The following C5orf52 variants were observed in gnomAD, a reference collection of about 807,000 sequenced individuals.
C5orf52 encodes the protein uncharacterized protein C5orf52.
In C5orf52, 15 loss-of-function variants were observed where a neutral mutation model predicts 16.8. The observed-to-expected ratio is 0.89, with a 90% CI of 0.60 to 1.38. C5orf52 has a LOEUF of 1.38. Ranked by LOEUF, C5orf52 falls within the 40% of genes most tolerant of loss-of-function variation. C5orf52 has a pLI of 0.00. For synonymous variants in C5orf52, 83 were observed against 87.2 expected (o/e 0.95, Z 0.27); for missense variants, 206 against 213.1 (o/e 0.97, Z 0.21).
chr5:157,671,181 G>C (rs915800753), upstream of C5orf52: 1 of 163,766 alleles, frequency 6.1e-6, no homozygotes, highest in Non-Finnish European at 1.3e-5. Flanking sequence ...TTGTCTCGTC[G>C]CAGAAAGGAA....
chr5:157,676,135 G>A (rs778716654), intron 2 of C5orf52, among the ~76,000 whole-genome samples: 3 of 152,002 alleles, frequency 2.0e-5, no homozygotes, highest in East Asian at 3.9e-4. Flanking sequence ...GTGCAGTGGC[G>A]CTATCTCAAC....
intron 1 of C5orf52, among the ~76,000 whole-genome samples, chr5:157,674,561 A>C (rs1193081844): frequency 6.6e-6 from 1 of 152,136 alleles, no homozygotes; most frequent in Non-Finnish European, 1.5e-5. Flanking sequence ...TGAGGTCAGG[A>C]GTTTGAACCC....
intron 2 of C5orf52, among the ~76,000 whole-genome samples, chr5:157,677,288 T>A (rs1300608462): frequency 6.6e-6 from 1 of 152,110 alleles, no homozygotes; most frequent in Non-Finnish European, 1.5e-5. Flanking sequence ...GTGTCAAGGT[T>A]GAGAAACCCT....
rs191414332 is a variant in C5orf52 at position 157,674,055 on chromosome 5, T to C, written c.213-1037T>C. Among the ~76,000 whole-genome samples the C allele has an allele frequency of 7.8e-4, 119 of 152,308 alleles. 3 individuals are homozygous for C. In the East Asian group the frequency reaches 0.011, roughly 15 times the overall value. On this transcript the variant is annotated intron_variant, in intron 1 of 2. Coordinates refer to ENST00000409999, the MANE Select transcript of C5orf52 (RefSeq NM_001145132.2). ...AGTGAAAACTCAGTGCCTGTAAGTGTATCCACTTTTCACCATTTTCTCATT... is the reference window on the plus strand; with the variant it reads ...AGTGAAAACTCAGTGCCTGTAAGTGCATCCACTTTTCACCATTTTCTCATT...
chr5:157,679,159 T>C (rs942537550), intron 2 of C5orf52, among the ~76,000 whole-genome samples: 14 of 151,976 alleles, frequency 9.2e-5, no homozygotes, highest in East Asian at 5.8e-4. Context: ...AAAGAAATAT[T>C]TGGGCATGTG....
chr5:157,675,408 A>G (rs1437691616), intron 2 of C5orf52, among the ~76,000 whole-genome samples: 1 of 152,176 alleles, frequency 6.6e-6, no homozygotes, highest in Non-Finnish European at 1.5e-5. Flanking sequence ...TAAGGGAGCC[A>G]GAGAGAAAGA....
At chr5:157,676,512 A>G (rs1453004819) in intron 2 of C5orf52, among the ~76,000 whole-genome samples, 3 of 152,180 alleles carry the variant, frequency 2.0e-5, no homozygotes, top group Admixed American at 6.5e-5. Context: ...CACAAACACC[A>G]AAAGAAGAGT....
At chr5:157,676,882 T>G (rs1297240327) in intron 2 of C5orf52, among the ~76,000 whole-genome samples, 1 of 144,398 alleles carries the variant, frequency 6.9e-6, no homozygotes, top group African/African-American at 2.7e-5. Flanking sequence ...TTTTTTTTTT[T>G]TTTTGAGACA....
chr5:157,671,822 T>TTCAG lies in C5orf52; in HGVS notation c.209_212dup (p.Leu72GlnfsTer7), dbSNP rs1179177152. ...GAGGTCCGCGCAGCAGCCGGTGCTGTTCAGGTGTGGCCCGCATGCCCAGAG... is the reference window on the plus strand; with the variant it reads ...GAGGTCCGCGCAGCAGCCGGTGCTGTTCAGTCAGGTGTGGCCCGCATGCCCAGAG... On this transcript the variant is annotated frameshift_variant, in exon 1 of 3. Transcript: ENST00000409999. LOFTEE classifies it high-confidence loss of function. 1 of 1,526,446 alleles carries TTCAG rather than the reference T, an allele frequency of 6.6e-7. No homozygotes were observed. The highest frequency in any genetic ancestry group is 8.8e-7 in the Non-Finnish European group (1 of 1,133,760). 94.6% of individuals were successfully genotyped at this position (1,526,446 alleles called of 1,614,324 possible). A position where few individuals can be genotyped will look rare whatever the true frequency, so the allele number is the denominator to read the frequency against.
At chr5:157,674,468 A>G (rs765635452) in intron 1 of C5orf52, among the ~76,000 whole-genome samples, 3 of 152,156 alleles carry the variant, frequency 2.0e-5, no homozygotes, top group Non-Finnish European at 2.9e-5. Flanking sequence ...AGGATCATCA[A>G]GATGACTGCT....
intron 2 of C5orf52, among the ~76,000 whole-genome samples, chr5:157,675,898 C>T (rs1285125097): frequency 6.6e-6 from 1 of 152,148 alleles, no homozygotes; most frequent in Non-Finnish European, 1.5e-5. Context: ...ATCCTGAGTG[C>T]TGTCACCCCA....
At chr5:157,678,332 C>A (rs1425373707) in intron 2 of C5orf52, among the ~76,000 whole-genome samples, 1 of 152,180 alleles carries the variant, frequency 6.6e-6, no homozygotes, top group Non-Finnish European at 1.5e-5. Flanking sequence ...TATCAGAATC[C>A]CCTGGAGGGC....
chr5:157,679,697 C>A, intron 2 of C5orf52, 144 bp from the exon 3 acceptor site: 2 of 719,434 alleles, frequency 2.8e-6, no homozygotes, highest in Non-Finnish European at 4.5e-6. Context: ...CTCTGTGAGT[C>A]AAAGTATATG....
At chr5:157,671,980 C>T (rs1223834499) in intron 1 of C5orf52, among the ~76,000 whole-genome samples, 154 bp downstream of exon 1, 1 of 152,232 alleles carries the variant, frequency 6.6e-6, no homozygotes, top group African/African-American at 2.4e-5. Flanking sequence ...AGCACCTTCC[C>T]AGTCTAGCTC....
chr5:157,678,694 C>G (rs994130660), intron 2 of C5orf52, among the ~76,000 whole-genome samples: 1 of 152,144 alleles, frequency 6.6e-6, no homozygotes, highest in East Asian at 1.9e-4. Context: ...CTCCTGGCCT[C>G]AAGTGAGCCA....
At chr5:157,675,308 A>C (rs1224243610) in intron 2 of C5orf52, 108 bp downstream of exon 2, 1 of 690,556 alleles carries the variant, frequency 1.4e-6, no homozygotes, top group Non-Finnish European at 2.5e-6. Flanking sequence ...GGAGTCATCA[A>C]GGTGCTCTAA....
intron 1 of C5orf52, among the ~76,000 whole-genome samples, chr5:157,674,197 C>T (rs1451186978): frequency 6.6e-6 from 1 of 152,038 alleles, no homozygotes; most frequent in African/African-American, 2.4e-5. Context: ...CCCCATACCT[C>T]CTTCACTTTT....
Position 157,680,025 on chromosome 5 carries a change from C to T in C5orf52, c.*26C>T, listed in dbSNP as rs763583235. 1.3e-6 allele frequency: 2 copies of T among 1,548,166 alleles called. No homozygotes were observed. The highest frequency in any genetic ancestry group is 1.7e-6 in the Non-Finnish European group (2 of 1,145,430). On this transcript the variant is annotated 3_prime_UTR_variant, in exon 3 of 3. Coordinates refer to ENST00000409999, the MANE Select transcript of C5orf52 (RefSeq NM_001145132.2). ...ACTCCAGTCTCCCAAGAAAGGCCAA[C>T]CACCCTAGTTCTGGCAAAGGGATCT...
rs551486911 is a variant in C5orf52 at position 157,680,143 on chromosome 5, A to G, written c.*144A>G. 1 of 742,874 alleles carries G rather than the reference A, an allele frequency of 1.3e-6. No homozygotes were observed. The highest frequency in any genetic ancestry group is 2.0e-5 in the South Asian group (1 of 49,174). 46.0% of individuals were successfully genotyped at this position (742,874 alleles called of 1,614,324 possible). On this transcript the variant is annotated 3_prime_UTR_variant, in exon 3 of 3. Transcript: ENST00000409999. ...GAACAATAAACAGAAACCAGCAGAC[A>G]GCGGAGCATAATAAATCCTCAGCAA... is the stretch of plus-strand genomic sequence containing the variant.
Sources: gnomAD v4.1 joint callset for allele counts (sites outside exome capture counted in the v4.1 genomes callset) on GRCh38, gnomAD v4.1.1 for gene constraint, MANE v1.5 for transcripts, NCBI Gene and HGNC (gene_info 2026-07-23, HGNC 2026-07-21) for gene names.